EPHA6: variants seen among roughly 807,000 people sequenced by gnomAD.
The protein encoded by EPHA6 is ephrin type-A receptor 6.
EPHA6 carries 50 observed loss-of-function variants against 112.0 expected under a neutral mutation model. The ratio of observed to expected loss-of-function variants is 0.45; its 90% CI spans 0.36 to 0.56. EPHA6 has a LOEUF of 0.56. Ranked by LOEUF, EPHA6 falls within the 20% of genes least tolerant of loss-of-function variation. The pLI is 0.00. For missense variants in EPHA6, 1,280 were observed against 1,417.4 expected (o/e 0.90, Z 1.56); for synonymous variants, 529 against 490.7 (o/e 1.08, Z -1.03).
chr3:96,918,502 A>G (rs890830498), intron 2 of EPHA6, among the ~76,000 whole-genome samples: 3 of 152,128 alleles, frequency 2.0e-5, no homozygotes, highest in Non-Finnish European at 2.9e-5. Flanking sequence ...ATGGTAGGCA[A>G]TGTGCAAGGC....
intron 3 of EPHA6, among the ~76,000 whole-genome samples, chr3:97,160,738 G>A (rs772842826): frequency 2.0e-5 from 3 of 152,100 alleles, no homozygotes; most frequent in African/African-American, 4.8e-5. Context: ...TTGCAAGTCT[G>A]GTCATTTCTC....
intron 2 of EPHA6, among the ~76,000 whole-genome samples, chr3:96,926,325 G>A (rs2040033479): frequency 6.6e-6 from 1 of 152,084 alleles, no homozygotes; most frequent in Non-Finnish European, 1.5e-5. Flanking sequence ...CTCGACACAT[G>A]GGGATTACAA....
intron 2 of EPHA6, among the ~76,000 whole-genome samples, chr3:96,917,336 T>C (rs555786947): frequency 6.7e-6 from 1 of 149,764 alleles, no homozygotes; most frequent in Admixed American, 6.7e-5. Flanking sequence ...CAGGAATTGC[T>C]TGAACCCAGC....
intron 6 of EPHA6, among the ~76,000 whole-genome samples, chr3:97,434,084 T>G (rs2089676968): frequency 2.0e-5 from 3 of 152,204 alleles, no homozygotes; most frequent in African/African-American, 7.2e-5. Flanking sequence ...ACATCTGTGC[T>G]TCTCAATATA....
chr3:97,440,471 TATATC>T (rs1269707593), intron 6 of EPHA6, among the ~76,000 whole-genome samples: 3 of 151,748 alleles, frequency 2.0e-5, no homozygotes, highest in Admixed American at 6.6e-5. Context: ...ATATTGATCT[TATATC>T]AGGACAAAAA....
At chr3:97,457,219 TGATGTTTTAAAGCATTAGGAGAGCTCTA>T (rs1224492826) in intron 7 of EPHA6, among the ~76,000 whole-genome samples, 1 of 152,180 alleles carries the variant, frequency 6.6e-6, no homozygotes, top group African/African-American at 2.4e-5. Context: ...ACCGATAGAA[TGATGTTTTAAAGCATTAGGAGAGCTCTA>T]GCTGGTTGTA....
At chr3:97,253,846 TATGAGTTGTTC>T (rs1431766054) in intron 5 of EPHA6, among the ~76,000 whole-genome samples, 1 of 152,150 alleles carries the variant, frequency 6.6e-6, no homozygotes, top group Non-Finnish European at 1.5e-5. Flanking sequence ...ATTGTCTATC[TATGAGTTGTTC>T]AGATTGTATT....
At chr3:97,653,207 A>G (rs185665949) in intron 14 of EPHA6, among the ~76,000 whole-genome samples, 8 of 152,148 alleles carry the variant, frequency 5.3e-5, no homozygotes, top group Non-Finnish European at 1.2e-4. Context: ...GAAACAATCA[A>G]CAAAATGAAA....
chr3:96,978,112 A>G (rs2042606270), intron 2 of EPHA6, among the ~76,000 whole-genome samples: 2 of 152,178 alleles, frequency 1.3e-5, no homozygotes, highest in Admixed American at 6.6e-5. Flanking sequence ...GTGACCAAAA[A>G]TTGCGCCACT....
chr3:97,491,297 G>C (rs1343554078), intron 10 of EPHA6, among the ~76,000 whole-genome samples: 1 of 152,136 alleles, frequency 6.6e-6, no homozygotes, highest in Non-Finnish European at 1.5e-5. Context: ...GTCCTAATTA[G>C]CCAGCATTAC....
chr3:97,733,282 A>G (rs2035117890), intron 15 of EPHA6, among the ~76,000 whole-genome samples: 1 of 152,014 alleles, frequency 6.6e-6, no homozygotes, highest in East Asian at 1.9e-4. Context: ...TTGGTCAAGT[A>G]CCTACCTCTT....
intron 3 of EPHA6, among the ~76,000 whole-genome samples, chr3:97,172,638 C>T (rs187370422): frequency 9.2e-5 from 14 of 151,976 alleles, no homozygotes; most frequent in African/African-American, 3.1e-4. Context: ...TTAAGTGTCG[C>T]TTCTGGCCCA....
At chr3:96,974,367 A>G (rs2042437670) in intron 2 of EPHA6, among the ~76,000 whole-genome samples, 1 of 150,400 alleles carries the variant, frequency 6.6e-6, no homozygotes, top group South Asian at 2.1e-4. Flanking sequence ...TGTAAATTAT[A>G]TATGTCATTA....
chr3:97,034,303 T>A (rs528583450), intron 3 of EPHA6, among the ~76,000 whole-genome samples: 1 of 152,086 alleles, frequency 6.6e-6, no homozygotes, highest in African/African-American at 2.4e-5. Context: ...TCCAATGTGA[T>A]GTTAATGTGA....
chr3:96,865,571 A>T (rs535304060), intron 1 of EPHA6, among the ~76,000 whole-genome samples: 1 of 151,826 alleles, frequency 6.6e-6, no homozygotes, highest in Non-Finnish European at 1.5e-5. Flanking sequence ...AGTCCCAGCT[A>T]CTCAGAAGGC....
At chr3:96,820,848 A>G (rs2033200280) in intron 1 of EPHA6, among the ~76,000 whole-genome samples, 1 of 152,012 alleles carries the variant, frequency 6.6e-6, no homozygotes, top group Non-Finnish European at 1.5e-5. Context: ...GGACATCTTC[A>G]TATGGCAACA....
intron 5 of EPHA6, among the ~76,000 whole-genome samples, chr3:97,319,680 A>G (rs1485725597): frequency 6.6e-6 from 1 of 150,780 alleles, no homozygotes; most frequent in Non-Finnish European, 1.5e-5. Flanking sequence ...AAAAAAAAAA[A>G]CAAAAAACAA....
chr3:97,255,454 G>A (rs1008573311), intron 5 of EPHA6, among the ~76,000 whole-genome samples: 11 of 152,048 alleles, frequency 7.2e-5, no homozygotes, highest in African/African-American at 1.9e-4. Flanking sequence ...TTCTCTTATC[G>A]TTCAAACCCT....
chr3:97,405,702 A>G (rs969155536), intron 6 of EPHA6, among the ~76,000 whole-genome samples: 4 of 152,154 alleles, frequency 2.6e-5, no homozygotes, highest in African/African-American at 4.8e-5. Flanking sequence ...ACAGTCGGCT[A>G]TAATTTGGAA....
Sources: gnomAD v4.1 joint callset for allele counts (sites outside exome capture counted in the v4.1 genomes callset) on GRCh38, gnomAD v4.1.1 for gene constraint, MANE v1.5 for transcripts, NCBI Gene and HGNC (gene_info 2026-07-23, HGNC 2026-07-21) for gene names.